The following MSRA variants were observed in gnomAD, a reference collection of about 807,000 sequenced individuals.
The protein encoded by MSRA is mitochondrial peptide methionine sulfoxide reductase.
A neutral mutation model predicts 31.3 loss-of-function variants in MSRA; 54 were observed. The observed-to-expected ratio is 1.73, with a 90% CI of 1.39 to 2.17. The LOEUF is 2.17. Ranked by LOEUF, MSRA falls within the 30% of genes most tolerant of loss-of-function variation. The pLI is 0.00. For synonymous variants in MSRA, 169 were observed against 116.5 expected (o/e 1.45, Z -2.90); for missense variants, 507 against 300.9 (o/e 1.69, Z -5.07).
intron 3 of MSRA, among the ~76,000 whole-genome samples, chr8:10,295,733 G>A (rs1800503466): frequency 1.3e-5 from 2 of 152,192 alleles, no homozygotes; most frequent in South Asian, 2.1e-4. Context: ...AGGTGGACTT[G>A]TACTCTGGAT....
At chr8:10,219,806 CAAAAA>C (rs59393980) in intron 2 of MSRA, among the ~76,000 whole-genome samples, 1 of 57,114 alleles carries the variant, frequency 1.8e-5, no homozygotes, top group East Asian at 1.0e-3. Flanking sequence ...ACTCTGTCTC[CAAAAA>C]AAAAAAAAAA....
chr8:10,140,074 C>G (rs955283507), intron 1 of MSRA, among the ~76,000 whole-genome samples: 2 of 152,156 alleles, frequency 1.3e-5, no homozygotes, highest in South Asian at 2.1e-4. Context: ...ACAGGGAAAC[C>G]TGTGTATTGT....
chr8:10,155,008 ATATATAGGTTT>A (rs2129038918), intron 1 of MSRA, among the ~76,000 whole-genome samples: 1 of 147,822 alleles, frequency 6.8e-6, no homozygotes, highest in East Asian at 2.2e-4. Context: ...TATTTTATAT[ATATATAGGTTT>A]TACCTTGCAT....
At chr8:10,160,294 G>C (rs999951284) in intron 1 of MSRA, among the ~76,000 whole-genome samples, 1 of 152,028 alleles carries the variant, frequency 6.6e-6, no homozygotes, top group Admixed American at 6.5e-5. Context: ...GGAGATCAAA[G>C]ACCATCCTGG....
At chr8:10,196,126 C>T (rs979386860) in intron 1 of MSRA, among the ~76,000 whole-genome samples, 1 of 152,198 alleles carries the variant, frequency 6.6e-6, no homozygotes, top group Non-Finnish European at 1.5e-5. Context: ...CCCCTTGCAA[C>T]CTCCAGGCAT....
intron 2 of MSRA, among the ~76,000 whole-genome samples, chr8:10,211,622 G>A (rs1023178081): frequency 8.5e-5 from 13 of 152,080 alleles, no homozygotes; most frequent in East Asian, 1.9e-4. Flanking sequence ...TAGAGCGCCC[G>A]CCCTGTGTAG....
At chr8:10,097,206 T>C (rs1452066751) in intron 1 of MSRA, among the ~76,000 whole-genome samples, 1 of 152,140 alleles carries the variant, frequency 6.6e-6, no homozygotes, top group Non-Finnish European at 1.5e-5. Context: ...CTAACAGAGG[T>C]GTTTGAACAG....
rs145349884 is a variant in MSRA, at chr8:10,327,058, A to G, written c.543+7069A>G. On this transcript the variant is annotated intron_variant, in intron 5 of 5. Transcript: ENST00000317173. ...CTCTTCAAGTCTTCAAGAAAGCACA[A>G]TGCTTTCTCTGGGTATTTCTCTCGC... Among the ~76,000 whole-genome samples, 347 of 152,326 alleles carry G rather than the reference A, an allele frequency of 2.3e-3. 1 individual carries two copies. Among genetic ancestry groups the G allele is most frequent in the Non-Finnish European group, 3.9e-3 (268 of 68,020 alleles).
chr8:10,091,621 T>C (rs890672974), intron 1 of MSRA, among the ~76,000 whole-genome samples: 5 of 151,992 alleles, frequency 3.3e-5, no homozygotes, highest in Admixed American at 6.6e-5. Context: ...TTTTTTTTTT[T>C]TTGAGTTGAA....
At chr8:10,098,438 T>A (rs970245174) in intron 1 of MSRA, among the ~76,000 whole-genome samples, 1 of 152,216 alleles carries the variant, frequency 6.6e-6, no homozygotes, top group African/African-American at 2.4e-5. Flanking sequence ...TATTTTATAA[T>A]TACTCGCTCA....
At chr8:10,350,389 C>G (rs34185004) in intron 5 of MSRA, among the ~76,000 whole-genome samples, 1 of 152,106 alleles carries the variant, frequency 6.6e-6, no homozygotes. Context: ...CAGCGCCGGC[C>G]GGATGCTTCT....
intron 3 of MSRA, among the ~76,000 whole-genome samples, chr8:10,296,377 G>T (rs1800543439): frequency 6.6e-6 from 1 of 152,212 alleles, no homozygotes; most frequent in African/African-American, 2.4e-5. Flanking sequence ...CCTCGTGTTT[G>T]TGTATGGAGA....
chr8:10,285,459 C>A (rs748717902), intron 3 of MSRA, among the ~76,000 whole-genome samples: 2 of 152,078 alleles, frequency 1.3e-5, no homozygotes, highest in Non-Finnish European at 2.9e-5. Flanking sequence ...ATTAGCATAT[C>A]CATCACCTCA....
chr8:10,359,963 C>G (rs1376240013), intron 5 of MSRA, among the ~76,000 whole-genome samples: 7 of 152,324 alleles, frequency 4.6e-5, no homozygotes, highest in Admixed American at 2.0e-4. Context: ...CCCTCCTCCA[C>G]TTTTACCTGG....
intron 5 of MSRA, among the ~76,000 whole-genome samples, chr8:10,336,199 A>C (rs1803031822): frequency 6.6e-6 from 1 of 152,248 alleles, no homozygotes; most frequent in South Asian, 2.1e-4. Flanking sequence ...CTGCTGGCAG[A>C]AACACATTTG....
intron 1 of MSRA, among the ~76,000 whole-genome samples, chr8:10,109,965 T>A (rs1180991314): frequency 1.3e-5 from 2 of 152,130 alleles, no homozygotes; most frequent in East Asian, 3.9e-4. Context: ...TAAAGATTCG[T>A]CATAATTAGC....
chr8:10,321,671 G>A (rs905147272), intron 5 of MSRA, among the ~76,000 whole-genome samples: 1 of 152,190 alleles, frequency 6.6e-6, no homozygotes, highest in African/African-American at 2.4e-5. Context: ...GGCTCGTATT[G>A]TGAAAACTCT....
chr8:10,207,800 C>G, intron 1 of MSRA, 33 bp from the exon 2 acceptor site: 1 of 1,585,352 alleles, frequency 6.3e-7, no homozygotes, highest in East Asian at 2.2e-5. Flanking sequence ...GAACTTTACA[C>G]TTAAACTTGC....
chr8:10,180,422 T>C (rs1806439094), intron 1 of MSRA, among the ~76,000 whole-genome samples: 2 of 152,166 alleles, frequency 1.3e-5, no homozygotes, highest in Admixed American at 1.3e-4. Context: ...AGGGTTTTTA[T>C]GGAGGCTTCA....
Sources: allele counts gnomAD v4.1 joint callset (sites outside exome capture counted in the v4.1 genomes callset), GRCh38; gene constraint gnomAD v4.1.1; transcripts MANE v1.5; gene names NCBI Gene and HGNC (gene_info 2026-07-23, HGNC 2026-07-21).